Variants in RYR3 observed in about 807,000 individuals in gnomAD.
The protein encoded by RYR3 is ryanodine receptor 3.
A neutral mutation model predicts 584.3 loss-of-function variants in RYR3; 207 were observed. That is an observed-to-expected ratio of 0.35 (90% CI 0.32 to 0.40). RYR3 has a LOEUF of 0.40. RYR3 is among the 10% of genes least tolerant of loss of function. RYR3 has a pLI of 1.00. For missense variants in RYR3, 5,616 were observed against 6,089.2 expected, an observed-to-expected ratio of 0.92 and a Z score of 2.59; for synonymous variants, 2,416 against 2,248.5, an observed-to-expected ratio of 1.07 and a Z score of -2.11.
chr15:33,771,576 A>G (rs2073579209), intron 62 of RYR3, among the ~76,000 whole-genome samples: 1 of 150,316 alleles, frequency 6.7e-6, no homozygotes, highest in African/African-American at 2.5e-5. Flanking sequence ...CTTAAAGCTC[A>G]TTTCCCTGTT....
intron 1 of RYR3, among the ~76,000 whole-genome samples, chr15:33,401,394 A>G (rs1489721982): frequency 6.6e-6 from 1 of 152,232 alleles, no homozygotes; most frequent in Non-Finnish European, 1.5e-5. Context: ...AGTACACTGT[A>G]TAGTGCATGA....
chr15:33,787,517 TTAAA>T (rs1487946825), intron 66 of RYR3, among the ~76,000 whole-genome samples: 1 of 138,494 alleles, frequency 7.2e-6, no homozygotes, highest in Non-Finnish European at 1.6e-5. Context: ...ACTCTGGTCT[TTAAA>T]AAAAAAAAAC....
At chr15:33,433,722 G>C (rs1280360240) in intron 1 of RYR3, among the ~76,000 whole-genome samples, 2 of 152,210 alleles carry the variant, frequency 1.3e-5, no homozygotes, top group Non-Finnish European at 2.9e-5. Flanking sequence ...TGGGTAGCTA[G>C]TACATTTCAG....
At chr15:33,507,581 A>T (rs2052588597) in intron 3 of RYR3, among the ~76,000 whole-genome samples, 1 of 152,238 alleles carries the variant, frequency 6.6e-6, no homozygotes, top group African/African-American at 2.4e-5. Context: ...TCAATTGATT[A>T]GACCTACAGT....
chr15:33,481,549 C>G (rs2049967222), intron 2 of RYR3, among the ~76,000 whole-genome samples: 1 of 152,064 alleles, frequency 6.6e-6, no homozygotes. Flanking sequence ...GATGCAATCT[C>G]AGCTCACTGC....
intron 1 of RYR3, among the ~76,000 whole-genome samples, chr15:33,351,663 T>TGATTATCTCAATA (rs1412704903): frequency 2.7e-5 from 4 of 149,130 alleles, no homozygotes; most frequent in African/African-American, 7.4e-5. Flanking sequence ...AAAAACCACA[T>TGATTATCTCAATA]GATTATCTCA....
rs764724739 is a variant in RYR3 at position 33,663,728 on chromosome 15, A to G, written c.5610A>G (p.Pro1870=). ...AGACCAAGGAGTTCCGCTCACCCCC[A>G]CAGGAGCAGGTGAGGGTCCTTCCTG... ...ARKTKEFRSP[P]QEQINMLLNF... is the part of the protein sequence containing the mutation. The change falls in exon 36 of 104, where the codon CCA becomes CCG. Residue 1870 remains proline, a synonymous_variant. Coordinates refer to ENST00000634891, the MANE Select transcript of RYR3 (RefSeq NM_001036.6). 1.8e-5 allele frequency: 29 copies of G among 1,605,178 alleles called. No homozygotes were observed. The Admixed American group carries it at 4.4e-4, about 24-fold the overall frequency.
chr15:33,865,144 G>A lies in RYR3; in HGVS notation c.14531G>A (p.Trp4844Ter), dbSNP rs1462716613. Residue 4844 changes from tryptophan (W) to a stop codon, truncating the protein, a stop_gained, in exon 104 of 104, where the codon TGG becomes TAG. Transcript: ENST00000634891. LOFTEE classifies it high-confidence loss of function. ...TEHTGQESYV[W>*]KMYQERCWDF... ...ATATTATTTCAGGAATCTTATGTCT[G>A]GAAGATGTACCAAGAAAGGTGTTGG... 1.2e-6 allele frequency: 2 copies of A among 1,612,886 alleles called. No homozygotes were observed. The highest frequency in any genetic ancestry group is 1.7e-6 in the Non-Finnish European group (2 of 1,179,058).
rs776691651 is a variant in RYR3 at position 33,825,676 on chromosome 15, C to T, written c.11146C>T (p.Leu3716Phe). 10 of 1,526,216 alleles carry T rather than the reference C, an allele frequency of 6.6e-6. No individual in the cohort carries two copies. Among genetic ancestry groups the T allele is most frequent in the Middle Eastern group, 1.7e-4 (1 of 5,856 alleles). 94.5% of individuals were successfully genotyped at this position (1,526,216 alleles called of 1,614,324 possible). A position where few individuals can be genotyped will look rare whatever the true frequency, so the allele number is the denominator to read the frequency against. Residue 3716 changes from leucine to phenylalanine, a missense_variant and splice_region_variant, in exon 82 of 104, where the codon CTC (leucine) becomes TTC (phenylalanine). Leu to Phe is a conservative substitution (Grantham distance 22, BLOSUM62 0). Coordinates refer to ENST00000634891, the MANE Select transcript of RYR3 (RefSeq NM_001036.6). ...GLGMVTEEGT[L>F]IVRERGEKVL... The stretch of plus-strand genomic sequence containing the variant: ...GGGGATGGTGACTGAAGAAGGAACA[C>T]GTAAGTAACTAATGAATGTGAAGGC...
chr15:33,777,202 T>A (rs1373221845), intron 64 of RYR3, among the ~76,000 whole-genome samples: 1 of 152,186 alleles, frequency 6.6e-6, no homozygotes, highest in Non-Finnish European at 1.5e-5. Context: ...TAAAGAGAGT[T>A]TCCATATCCA....
chr15:33,490,597 T>G (rs2050882376), intron 2 of RYR3, among the ~76,000 whole-genome samples: 1 of 152,168 alleles, frequency 6.6e-6, no homozygotes, highest in African/African-American at 2.4e-5. Flanking sequence ...CCATGGCATT[T>G]AGGTTCAAAC....
chr15:33,643,407 A>G (rs1320286779), intron 27 of RYR3, among the ~76,000 whole-genome samples: 1 of 152,160 alleles, frequency 6.6e-6, no homozygotes, highest in African/African-American at 2.4e-5. Flanking sequence ...ACACCAAACA[A>G]TTTGAACTTC....
chr15:33,797,884 C>A (rs938027522), intron 67 of RYR3, among the ~76,000 whole-genome samples: 6 of 152,152 alleles, frequency 3.9e-5, no homozygotes, highest in African/African-American at 1.4e-4. Flanking sequence ...CCTGAAAAAT[C>A]AATAGGAAAG....
chr15:33,800,725 T>C, intron 67 of RYR3, 45 bp from the exon 68 acceptor site: 1 of 1,347,904 alleles, frequency 7.4e-7, no homozygotes. Context: ...AATATTTTAA[T>C]CTCTACTGAA....
chr15:33,649,797 C>G (rs189695346), intron 31 of RYR3, among the ~76,000 whole-genome samples: 1 of 152,220 alleles, frequency 6.6e-6, no homozygotes, highest in Non-Finnish European at 1.5e-5. Flanking sequence ...TCTGCTGGCA[C>G]TGCTGCCAGA....
At chr15:33,810,705 C>A in intron 71 of RYR3, 56 bp downstream of exon 71, 1 of 1,604,422 alleles carries the variant, frequency 6.2e-7, no homozygotes. Context: ...CAGTGATAAG[C>A]ATTCAGCCCC....
intron 16 of RYR3, among the ~76,000 whole-genome samples, chr15:33,591,592 G>A (rs1209518838): frequency 1.3e-5 from 2 of 152,200 alleles, no homozygotes; most frequent in East Asian, 3.8e-4. Context: ...AACAGTCACT[G>A]TAGTTTTTCC....
chr15:33,546,479 T>A (rs565598934), intron 8 of RYR3, among the ~76,000 whole-genome samples: 1 of 152,146 alleles, frequency 6.6e-6, no homozygotes. Flanking sequence ...AACATGTACA[T>A]TAGAGAAAGA....
intron 1 of RYR3, among the ~76,000 whole-genome samples, chr15:33,342,121 G>A (rs1971891903): frequency 6.6e-6 from 1 of 152,220 alleles, no homozygotes; most frequent in Non-Finnish European, 1.5e-5. Context: ...ACCAGGAGCA[G>A]TGAGTCCTGC....
Sources: gnomAD v4.1 joint callset for allele counts (sites outside exome capture counted in the v4.1 genomes callset) on GRCh38, gnomAD v4.1.1 for gene constraint, MANE v1.5 for transcripts, NCBI Gene and HGNC (gene_info 2026-07-23, HGNC 2026-07-21) for gene names.